MEF2A: variants seen among roughly 807,000 people sequenced by gnomAD.
MEF2A encodes the protein myocyte enhancer factor 2A.
Under a neutral mutation model 55.8 loss-of-function variants are expected in MEF2A, and 28 were observed. The ratio of observed to expected loss-of-function variants is 0.50; its 90% CI spans 0.37 to 0.69. The LOEUF (loss-of-function observed/expected upper bound fraction) is 0.69. Among genes scored for constraint, MEF2A ranks in the 30% least tolerant of loss-of-function variants. The pLI, the probability that MEF2A is intolerant of heterozygous loss-of-function variation, is 0.00. For synonymous variants in MEF2A, 239 were observed against 227.1 expected (o/e 1.05, Z -0.47); for missense variants, 528 against 626.2 (o/e 0.84, Z 1.67).
At chr15:99,599,466 ATAG>A (rs148648939) in intron 2 of MEF2A, among the ~76,000 whole-genome samples, 2 of 152,266 alleles carry the variant, frequency 1.3e-5, no homozygotes, top group East Asian at 3.9e-4. Flanking sequence ...GAATGATTAA[ATAG>A]TAGAAAGAAA....
chr15:99,578,798 A>T (rs1965101828), intron 1 of MEF2A, among the ~76,000 whole-genome samples: 1 of 152,260 alleles, frequency 6.6e-6, no homozygotes, highest in Admixed American at 6.5e-5. Context: ...CAAAAACTTT[A>T]TCACTGACAC....
intron 9 of MEF2A, among the ~76,000 whole-genome samples, chr15:99,705,519 A>C (rs143331977): frequency 1.3e-5 from 2 of 152,230 alleles, no homozygotes; most frequent in African/African-American, 4.8e-5. Flanking sequence ...CCCAATGCCT[A>C]GGAAATGGTG....
intron 4 of MEF2A, among the ~76,000 whole-genome samples, chr15:99,649,301 G>A (rs1019400042): frequency 6.6e-6 from 1 of 152,074 alleles, no homozygotes; most frequent in African/African-American, 2.4e-5. Flanking sequence ...ATTGCCATTA[G>A]GGTAAGATTC....
At chr15:99,687,476 T>G (rs1253858385) in intron 7 of MEF2A, among the ~76,000 whole-genome samples, 1 of 152,186 alleles carries the variant, frequency 6.6e-6, no homozygotes, top group Non-Finnish European at 1.5e-5. Flanking sequence ...TACAGCTACT[T>G]TTTCCTTCTG....
chr15:99,690,719 G>A, intron 8 of MEF2A: 4 of 508,856 alleles, frequency 7.9e-6, no homozygotes, highest in South Asian at 3.1e-5. Context: ...GATAGATACT[G>A]CAAGGTCTCA....
intron 8 of MEF2A, among the ~76,000 whole-genome samples, chr15:99,695,017 A>G (rs1199101012): frequency 1.5e-5 from 2 of 137,598 alleles, no homozygotes; most frequent in African/African-American, 5.7e-5. Context: ...GCGCTTTTTT[A>G]TTTTCCGGCA....
chr15:99,681,094 T>G (rs1019052677), intron 7 of MEF2A, among the ~76,000 whole-genome samples: 3 of 152,204 alleles, frequency 2.0e-5, no homozygotes. Context: ...TGGGCACACT[T>G]TAAAATATCA....
chr15:99,602,055 C>T (rs1261702823), intron 2 of MEF2A, among the ~76,000 whole-genome samples: 1 of 151,986 alleles, frequency 6.6e-6, no homozygotes, highest in Non-Finnish European at 1.5e-5. Context: ...TCAGTTCTTG[C>T]CCTCTCAGAA....
chr15:99,624,097 G>A (rs557626450), intron 2 of MEF2A, among the ~76,000 whole-genome samples: 33 of 152,274 alleles, frequency 2.2e-4, no homozygotes, highest in African/African-American at 6.0e-4. Context: ...TGAGCATGGC[G>A]CCCGGCCGTG....
intron 7 of MEF2A, among the ~76,000 whole-genome samples, chr15:99,684,204 A>G (rs1391324440): frequency 6.6e-6 from 1 of 152,168 alleles, no homozygotes; most frequent in Non-Finnish European, 1.5e-5. Context: ...TGTCTTTCAT[A>G]TACTGACTTC....
In MEF2A at chr15:99,715,958, A is replaced by C. The variant is rs761997052; in HGVS notation, c.*3187A>C. On this transcript the variant is annotated 3_prime_UTR_variant, in exon 12 of 12. Transcript: ENST00000557942. Reference sequence around the variant, plus strand: ...AATACATGTTTTACCCTTTCCTTTAACTAGAAGGATAACTAGTAATGCATC... The same window carrying C: ...AATACATGTTTTACCCTTTCCTTTACCTAGAAGGATAACTAGTAATGCATC... 3 of 153,294 alleles carry C rather than the reference A, an allele frequency of 2.0e-5. No individual in the cohort carries two copies. The highest frequency in any genetic ancestry group is 4.4e-5 in the Non-Finnish European group (3 of 68,772). 9.5% of individuals were successfully genotyped at this position (153,294 alleles called of 1,614,324 possible). A position where few individuals can be genotyped will look rare whatever the true frequency, so the allele number is the denominator to read the frequency against.
intron 3 of MEF2A, among the ~76,000 whole-genome samples, chr15:99,641,630 G>A (rs1173633828): frequency 6.6e-6 from 1 of 152,134 alleles, no homozygotes; most frequent in Non-Finnish European, 1.5e-5. Flanking sequence ...GGCTGAGGCA[G>A]GAGAACGGCA....
intron 3 of MEF2A, among the ~76,000 whole-genome samples, chr15:99,639,759 T>C (rs986071842): frequency 2.0e-5 from 3 of 152,200 alleles, no homozygotes; most frequent in African/African-American, 7.2e-5. Flanking sequence ...TTCTTTTCTA[T>C]TTTTTCTGTC....
rs554572813 is a variant in MEF2A at position 99,597,656 on chromosome 15, G to A, written c.-224-774G>A. 2.6e-4 allele frequency among the ~76,000 whole-genome samples: 39 copies of A among 152,194 alleles called. No individual in the cohort carries two copies. In the South Asian group the frequency reaches 8.1e-3, roughly 32 times the overall value. On this transcript the variant is annotated intron_variant, in intron 1 of 11. Coordinates refer to ENST00000557942, the MANE Select transcript of MEF2A (RefSeq NM_001319206.4). ...GAAACTCCCTAATAAAAACTTGCTG[G>A]TTTTTGTGGCTTGGGGGGCATCACG...
chr15:99,606,443 G>C (rs890109403), intron 2 of MEF2A, among the ~76,000 whole-genome samples: 1 of 152,018 alleles, frequency 6.6e-6, no homozygotes, highest in African/African-American at 2.4e-5. Context: ...ATTAAGAAAA[G>C]AGAGGCAAGT....
chr15:99,582,312 A>G (rs1205412983), intron 1 of MEF2A, among the ~76,000 whole-genome samples: 1 of 152,088 alleles, frequency 6.6e-6, no homozygotes, highest in Non-Finnish European at 1.5e-5. Context: ...ACAGCTTTCG[A>G]GTGGAAGATG....
At chr15:99,679,728 GT>G (rs1392400169) in intron 7 of MEF2A, among the ~76,000 whole-genome samples, 3 of 152,062 alleles carry the variant, frequency 2.0e-5, no homozygotes, top group Non-Finnish European at 1.5e-5. Flanking sequence ...TAACCTATAC[GT>G]TTTTGTTTTG....
At chr15:99,668,770 G>A (rs891031858) in intron 4 of MEF2A, among the ~76,000 whole-genome samples, 3 of 152,122 alleles carry the variant, frequency 2.0e-5, no homozygotes, top group Non-Finnish European at 2.9e-5. Context: ...AATAGATTAC[G>A]GCATTCCACT....
intron 4 of MEF2A, among the ~76,000 whole-genome samples, chr15:99,659,324 A>T (rs1390589505): frequency 6.6e-6 from 1 of 152,156 alleles, no homozygotes; most frequent in African/African-American, 2.4e-5. Context: ...TTTACCATCA[A>T]ACCTAGGAGT....
Sources: gnomAD v4.1 joint callset for allele counts (sites outside exome capture counted in the v4.1 genomes callset) on GRCh38, gnomAD v4.1.1 for gene constraint, MANE v1.5 for transcripts, NCBI Gene and HGNC (gene_info 2026-07-23, HGNC 2026-07-21) for gene names.